DENND1A: variants seen among roughly 807,000 people sequenced by gnomAD.
DENND1A encodes the protein DENN domain containing 1A.
A neutral mutation model predicts 113.7 loss-of-function variants in DENND1A; 51 were observed. That is an observed-to-expected ratio of 0.45 (90% confidence interval 0.36 to 0.57). DENND1A has a LOEUF of 0.57. Ranked by LOEUF, DENND1A falls within the 20% of genes least tolerant of loss-of-function variation. The pLI is 0.00. For missense variants in DENND1A, 1,258 were observed against 1,395.9 expected, an observed-to-expected ratio of 0.90 and a Z score of 1.57; for synonymous variants, 565 against 570.8, an observed-to-expected ratio of 0.99 and a Z score of 0.14.
intron 13 of DENND1A, among the ~76,000 whole-genome samples, chr9:123,525,785 G>T (rs1308334902): frequency 1.4e-5 from 2 of 146,740 alleles, no homozygotes; most frequent in Non-Finnish European, 3.0e-5. Context: ...TTGAGACAGG[G>T]TCTCGCTCTG....
At chr9:123,815,586 C>T (rs1213265770) in intron 2 of DENND1A, among the ~76,000 whole-genome samples, 3 of 152,132 alleles carry the variant, frequency 2.0e-5, no homozygotes, top group African/African-American at 4.8e-5. Context: ...CAAAGAAATA[C>T]TGTTTAAAAT....
intron 1 of DENND1A, among the ~76,000 whole-genome samples, chr9:123,899,479 T>C (rs1382299481): frequency 6.6e-6 from 1 of 152,172 alleles, no homozygotes; most frequent in Admixed American, 6.5e-5. Context: ...CTTTTCCCAA[T>C]TTGCATGAAA....
At chr9:123,800,489 G>A (rs1033011701) in intron 2 of DENND1A, among the ~76,000 whole-genome samples, 13 of 152,178 alleles carry the variant, frequency 8.5e-5, no homozygotes, top group Non-Finnish European at 4.4e-5. Flanking sequence ...TAACAGAGCT[G>A]GGATTCAGCC....
intron 5 of DENND1A, among the ~76,000 whole-genome samples, chr9:123,731,854 T>G (rs1209285756): frequency 6.6e-6 from 1 of 152,190 alleles, no homozygotes; most frequent in African/African-American, 2.4e-5. Context: ...GTCAAGAAAC[T>G]TAAAGAACAC....
chr9:123,464,492 C>T (rs2048776735), intron 13 of DENND1A, among the ~76,000 whole-genome samples: 1 of 152,134 alleles, frequency 6.6e-6, no homozygotes, highest in Non-Finnish European at 1.5e-5. Flanking sequence ...GCAAATAGAT[C>T]AACGCTGCAT....
chr9:123,593,986 G>A (rs1326270863), intron 11 of DENND1A, among the ~76,000 whole-genome samples: 1 of 152,156 alleles, frequency 6.6e-6, no homozygotes, highest in Non-Finnish European at 1.5e-5. Context: ...CATGTGGGAT[G>A]TGCCAGCTTC....
intron 5 of DENND1A, among the ~76,000 whole-genome samples, chr9:123,744,924 C>T (rs2069359674): frequency 6.6e-6 from 1 of 151,980 alleles, no homozygotes; most frequent in African/African-American, 2.4e-5. Context: ...TACAGGCGCA[C>T]ACCACCATGC....
chr9:123,662,046 C>T (rs2063265724), intron 8 of DENND1A, among the ~76,000 whole-genome samples: 1 of 152,138 alleles, frequency 6.6e-6, no homozygotes, highest in Non-Finnish European at 1.5e-5. Context: ...CCACCAAGTG[C>T]CCAGCACAAT....
intron 12 of DENND1A, among the ~76,000 whole-genome samples, chr9:123,577,569 G>A (rs757543805): frequency 9.9e-5 from 15 of 152,104 alleles, no homozygotes; most frequent in South Asian, 2.1e-4. Flanking sequence ...TTATGTTATC[G>A]AATATTGGAT....
intron 3 of DENND1A, among the ~76,000 whole-genome samples, chr9:123,782,999 T>A (rs1416255941): frequency 6.6e-6 from 1 of 152,136 alleles, no homozygotes; most frequent in Non-Finnish European, 1.5e-5. Flanking sequence ...GAATCTTTAC[T>A]GTACTGTATA....
chr9:123,445,345 C>T (rs546712508), intron 18 of DENND1A, among the ~76,000 whole-genome samples: 5 of 152,230 alleles, frequency 3.3e-5, no homozygotes, highest in African/African-American at 9.6e-5. Context: ...TGCGGCCCAG[C>T]GGCCAGGGCA....
chr9:123,826,094 T>C (rs1839288184), intron 2 of DENND1A, among the ~76,000 whole-genome samples: 1 of 152,240 alleles, frequency 6.6e-6, no homozygotes, highest in African/African-American at 2.4e-5. Flanking sequence ...CTCAGTCCCC[T>C]GAGATTTCTG....
At chr9:123,614,911 A>T (rs2060577978) in intron 10 of DENND1A, among the ~76,000 whole-genome samples, 1 of 152,250 alleles carries the variant, frequency 6.6e-6, no homozygotes, top group South Asian at 2.1e-4. Context: ...TTTTTGTAAA[A>T]GACACAAACG....
chr9:123,542,030 G>A (rs2056326969), intron 13 of DENND1A, among the ~76,000 whole-genome samples: 1 of 152,170 alleles, frequency 6.6e-6, no homozygotes, highest in Non-Finnish European at 1.5e-5. Context: ...CTCTACCTGT[G>A]TGCCTCCAGA....
chr9:123,698,953 A>T (rs534243747), intron 5 of DENND1A, among the ~76,000 whole-genome samples: 1 of 152,240 alleles, frequency 6.6e-6, no homozygotes, highest in East Asian at 1.9e-4. Context: ...GTGGCAAAAA[A>T]CTATAAAAAG....
At chr9:123,870,829 C>T (rs1588019007) in intron 2 of DENND1A, among the ~76,000 whole-genome samples, 2 of 152,162 alleles carry the variant, frequency 1.3e-5, no homozygotes. Context: ...ACATAAGAGC[C>T]ATCTTTAGAG....
chr9:123,536,800 G>A (rs759404142), intron 13 of DENND1A, among the ~76,000 whole-genome samples: 12 of 152,138 alleles, frequency 7.9e-5, no homozygotes, highest in Non-Finnish European at 1.6e-4. Context: ...ATCAAAGTAG[G>A]GGAAGGGAAC....
intron 23 of DENND1A, 75 bp downstream of exon 23, chr9:123,383,580 T>G: frequency 6.5e-7 from 1 of 1,546,768 alleles, no homozygotes; most frequent in East Asian, 2.3e-5. Context: ...TCTCTTCCAC[T>G]GTCACATGGG....
chr9:123,438,572 C>T (rs1273556107), intron 19 of DENND1A, among the ~76,000 whole-genome samples: 1 of 152,116 alleles, frequency 6.6e-6, no homozygotes, highest in Non-Finnish European at 1.5e-5. Flanking sequence ...GGGGCTTGAC[C>T]TTAATCCGCA....
Sources: allele counts gnomAD v4.1 joint callset (sites outside exome capture counted in the v4.1 genomes callset), GRCh38; gene constraint gnomAD v4.1.1; transcripts MANE v1.5; gene names NCBI Gene and HGNC (gene_info 2026-07-23, HGNC 2026-07-21).